The following FAM193A variants were observed in gnomAD, a reference collection of about 807,000 sequenced individuals.
FAM193A encodes the protein family with sequence similarity 193 member A.
Under a neutral mutation model 126.5 loss-of-function variants are expected in FAM193A, and 22 were observed. The ratio of observed to expected loss-of-function variants is 0.17; its 90% CI spans 0.12 to 0.25. The LOEUF (loss-of-function observed/expected upper bound fraction) is 0.25, where lower values mean the gene tolerates loss of function less well. FAM193A is among the 10% of genes least tolerant of loss of function. The pLI, the probability that FAM193A is intolerant of heterozygous loss-of-function variation, is 1.00. For synonymous variants in FAM193A, 761 were observed against 646.8 expected (o/e 1.18, Z -2.68); for missense variants, 1,675 against 1,672.8 (o/e 1.00, Z -0.02).
rs1028579989 is a variant in FAM193A, at chr4:2,628,043, C to T, written c.803+1466C>T. 1.4e-4 allele frequency among the ~76,000 whole-genome samples: 21 copies of T among 152,028 alleles called. No homozygotes were observed. In the East Asian group the frequency reaches 2.3e-3, roughly 17 times the overall value. ...AGGTGTGAGCCACCACACCCGGCTG[C>T]GCCCAGCTAATTTTTGTATTTTTAG... On this transcript the variant is annotated intron_variant, in intron 4 of 20. Coordinates refer to ENST00000637812, the MANE Select transcript of FAM193A (RefSeq NM_001366318.2).
intron 1 of FAM193A, among the ~76,000 whole-genome samples, chr4:2,553,279 T>C (rs984027124): frequency 2.6e-5 from 4 of 152,054 alleles, no homozygotes; most frequent in Non-Finnish European, 4.4e-5. Context: ...TAATGCGCGA[T>C]GATAGGACCT....
intron 5 of FAM193A, among the ~76,000 whole-genome samples, chr4:2,637,559 A>G (rs1476031291): frequency 6.6e-6 from 1 of 152,066 alleles, no homozygotes; most frequent in Admixed American, 6.5e-5. Flanking sequence ...CAAACCCCCA[A>G]ACCTTTTTTG....
chr4:2,579,808 G>A (rs1158652708), intron 1 of FAM193A, among the ~76,000 whole-genome samples: 6 of 152,178 alleles, frequency 3.9e-5, no homozygotes, highest in African/African-American at 1.4e-4. Flanking sequence ...AGAGAAAAAG[G>A]AACGCTTATA....
At chr4:2,571,611 G>A (rs867526623) in intron 1 of FAM193A, among the ~76,000 whole-genome samples, 1 of 151,768 alleles carries the variant, frequency 6.6e-6, no homozygotes, top group South Asian at 2.1e-4. Context: ...CATGATCTTG[G>A]CTCACTGCAA....
chr4:2,544,879 A>C (rs923805209), intron 1 of FAM193A, among the ~76,000 whole-genome samples: 2 of 152,124 alleles, frequency 1.3e-5, no homozygotes, highest in African/African-American at 2.4e-5. Flanking sequence ...TTAAAAAAAA[A>C]CAAAAAAGAC....
chr4:2,604,386 T>C (rs1741402158), intron 2 of FAM193A, among the ~76,000 whole-genome samples: 1 of 152,230 alleles, frequency 6.6e-6, no homozygotes, highest in South Asian at 2.1e-4. Flanking sequence ...CGTGGTTTTA[T>C]TGCTTTTTTG....
chr4:2,634,468 C>CTTCT (rs1223326657), intron 5 of FAM193A, among the ~76,000 whole-genome samples: 1 of 152,100 alleles, frequency 6.6e-6, no homozygotes, highest in African/African-American at 2.4e-5. Flanking sequence ...TAAAAGCCAG[C>CTTCT]AGAAGCAGTA....
intron 11 of FAM193A, 52 bp downstream of exon 11, chr4:2,663,043 T>A: frequency 6.3e-7 from 1 of 1,595,148 alleles, no homozygotes. Context: ...AATGATGGTC[T>A]GACATTTTAA....
chr4:2,707,142 G>T (rs1357064557), intron 19 of FAM193A, among the ~76,000 whole-genome samples: 1 of 151,900 alleles, frequency 6.6e-6, no homozygotes, highest in Non-Finnish European at 1.5e-5. Context: ...AAAAAAAGTT[G>T]TTGGTATCTT....
intron 1 of FAM193A, among the ~76,000 whole-genome samples, chr4:2,550,598 A>C (rs1361614119): frequency 6.8e-6 from 1 of 147,728 alleles, no homozygotes; most frequent in African/African-American, 2.5e-5. Context: ...CACCACACCC[A>C]GCTAATTTTG....
intron 18 of FAM193A, among the ~76,000 whole-genome samples, chr4:2,697,801 G>C (rs1245758338): frequency 2.0e-5 from 3 of 152,226 alleles, no homozygotes; most frequent in Admixed American, 6.5e-5. Flanking sequence ...GAGACTGCTG[G>C]AGTGCAGAGA....
intron 6 of FAM193A, among the ~76,000 whole-genome samples, chr4:2,644,265 C>G (rs1309812180): frequency 6.6e-6 from 1 of 152,092 alleles, no homozygotes; most frequent in Non-Finnish European, 1.5e-5. Flanking sequence ...AATCTGAATT[C>G]TATAACTTGG....
At chr4:2,714,470 G>A (rs932486881) in intron 19 of FAM193A, among the ~76,000 whole-genome samples, 12 of 149,884 alleles carry the variant, frequency 8.0e-5, no homozygotes, top group Admixed American at 6.0e-4. Flanking sequence ...ACTTTCCCAG[G>A]CCTTTCCCTG....
At chr4:2,590,810 G>A (rs1740526429) in intron 1 of FAM193A, among the ~76,000 whole-genome samples, 1 of 151,944 alleles carries the variant, frequency 6.6e-6, no homozygotes, top group Non-Finnish European at 1.5e-5. Flanking sequence ...GGTGGATCAC[G>A]AGGTCAGGAG....
At chr4:2,692,413 A>G (rs561588540) in intron 15 of FAM193A, among the ~76,000 whole-genome samples, 5 of 152,288 alleles carry the variant, frequency 3.3e-5, no homozygotes, top group Non-Finnish European at 7.3e-5. Flanking sequence ...TCAAGATGAG[A>G]TTTGTGTGGG....
chr4:2,645,777 T>TA (rs566044486), intron 6 of FAM193A, among the ~76,000 whole-genome samples: 1 of 152,298 alleles, frequency 6.6e-6, no homozygotes, highest in East Asian at 1.9e-4. Flanking sequence ...TCCCCTCGCC[T>TA]AGGCCTCCCA....
At chr4:2,552,838 C>G (rs1200016040) in intron 1 of FAM193A, among the ~76,000 whole-genome samples, 1 of 144,516 alleles carries the variant, frequency 6.9e-6, no homozygotes, top group African/African-American at 2.7e-5. Context: ...CGCCCGGCCA[C>G]AGAACTTTCT....
intron 2 of FAM193A, among the ~76,000 whole-genome samples, chr4:2,620,717 TG>T (rs1742489178): frequency 1.3e-5 from 2 of 148,338 alleles, no homozygotes; most frequent in African/African-American, 5.0e-5. Context: ...GGGGTGGTGG[TG>T]GGCTCCCGTA....
chr4:2,569,655 A>G (rs897954304), intron 1 of FAM193A, among the ~76,000 whole-genome samples: 5 of 151,724 alleles, frequency 3.3e-5, no homozygotes. Flanking sequence ...GCACCACCAC[A>G]CCCGGTTAAT....
Sources: gnomAD v4.1 joint callset for allele counts (sites outside exome capture counted in the v4.1 genomes callset) on GRCh38, gnomAD v4.1.1 for gene constraint, MANE v1.5 for transcripts, NCBI Gene and HGNC (gene_info 2026-07-23, HGNC 2026-07-21) for gene names.